Variants in LYST observed in about 807,000 individuals in gnomAD.
The protein encoded by LYST is lysosomal-trafficking regulator.
LYST carries 192 observed loss-of-function variants against 413.6 expected under a neutral mutation model. That is an observed-to-expected ratio of 0.46 (90% confidence interval 0.41 to 0.52). LYST has a LOEUF of 0.52. Among genes scored for constraint, LYST ranks in the 20% least tolerant of loss-of-function variants. The pLI is 0.00. For synonymous variants in LYST, 1,525 were observed against 1,567.3 expected, an observed-to-expected ratio of 0.97 and a Z score of 0.64; for missense variants, 3,815 against 4,499.9, an observed-to-expected ratio of 0.85 and a Z score of 4.35.
Position 235,737,908 on chromosome 1 carries a change from T to A in LYST, c.8359-3249A>T. The A allele has an allele frequency of 1.7e-6, 2 of 1,151,284 alleles. 1 individual carries two copies. The highest frequency in any genetic ancestry group is 7.9e-5 in the South Asian group (2 of 25,450). 71.3% of individuals were successfully genotyped at this position (1,151,284 alleles called of 1,614,324 possible). A position where few individuals can be genotyped will look rare whatever the true frequency, so the allele number is the denominator to read the frequency against. On this transcript the variant is annotated intron_variant, in intron 31 of 52. Coordinates refer to ENST00000389793, the MANE Select transcript of LYST (RefSeq NM_000081.4). Reference sequence around the variant, plus strand: ...AAGGTAGCGAAGGTGCTGGAGCCGCTGCCGACGAGTCTGGATCTCACTGCC... The same window carrying A: ...AAGGTAGCGAAGGTGCTGGAGCCGCAGCCGACGAGTCTGGATCTCACTGCC...
chr1:235,849,998 T>A (rs1006301770), intron 1 of LYST, among the ~76,000 whole-genome samples: 1 of 151,744 alleles, frequency 6.6e-6, no homozygotes, highest in African/African-American at 2.4e-5. Flanking sequence ...AATACCACTA[T>A]CATTCTTCAC....
chr1:235,751,012 A>G (rs1327156383), intron 28 of LYST, among the ~76,000 whole-genome samples, 198 bp downstream of exon 28: 1 of 152,172 alleles, frequency 6.6e-6, no homozygotes, highest in African/African-American at 2.4e-5. Flanking sequence ...TGCTCAGCAC[A>G]TGGTAGGCAG....
At chr1:235,677,256 T>A in intron 49 of LYST, 68 bp from the exon 50 acceptor site, 4 of 1,304,194 alleles carry the variant, frequency 3.1e-6, no homozygotes, top group Non-Finnish European at 3.3e-6. Context: ...ATTTTGTAAT[T>A]CTTCTTCTCA....
chr1:235,795,293 C>T (rs144648929), intron 10 of LYST, among the ~76,000 whole-genome samples: 122 of 152,224 alleles, frequency 8.0e-4, no homozygotes, highest in African/African-American at 2.7e-3. Flanking sequence ...TCTAAATAAA[C>T]GAAATGGTCA....
chr1:235,806,619 A>G lies in LYST; in HGVS notation c.2517T>C (p.Ile839=), dbSNP rs78172154. The G allele has an allele frequency of 2.1e-4, 338 of 1,614,084 alleles. 3 individuals carry two copies. The East Asian group carries it at 7.4e-3, about 36-fold the overall frequency. Residue 839 remains isoleucine, a synonymous_variant, in exon 6 of 53, where the codon ATT becomes ATC. Transcript: ENST00000389793. The part of the protein sequence containing the change: ...EQQKDASVPD[I]DGIDIEQKEL... Reference sequence around the variant, plus strand: ...CCTTCTGTTCAATGTCTATCCCATCAATATCTGGAACTGAGGCATCTTTCT... The same window carrying G: ...CCTTCTGTTCAATGTCTATCCCATCGATATCTGGAACTGAGGCATCTTTCT...
At chr1:235,729,223 C>A (rs1165677951) in intron 37 of LYST, among the ~76,000 whole-genome samples, 1 of 152,100 alleles carries the variant, frequency 6.6e-6, no homozygotes, top group Non-Finnish European at 1.5e-5. Flanking sequence ...TATGGACAAT[C>A]TTAAAATAGA....
At chr1:235,785,383 G>A (rs937239203) in intron 14 of LYST, among the ~76,000 whole-genome samples, 3 of 152,206 alleles carry the variant, frequency 2.0e-5, no homozygotes, top group Admixed American at 1.3e-4. Context: ...GGCAGGGAAT[G>A]TGTCTATCTT....
Position 235,715,295 on chromosome 1 carries a change from G to A in LYST, c.9690C>T (p.Pro3230=), listed in dbSNP as rs760574626. 3.7e-6 allele frequency: 6 copies of A among 1,613,512 alleles called. No individual in the cohort carries two copies. The African/African-American group carries it at 8.0e-5, about 22-fold the overall frequency. ...TGGAATAGTGGGAGCCATAGTGATA[G>A]GGCTGCACGGGAGGCATGGGGTCAT... ...REDDPMPPVQ[P]YHYGSHYSNS... is the part of the protein sequence containing the mutation. Residue 3230 remains proline (P), a synonymous_variant, in exon 42 of 53, where the codon CCC becomes CCT. Coordinates refer to ENST00000389793, the MANE Select transcript of LYST (RefSeq NM_000081.4).
intron 34 of LYST, among the ~76,000 whole-genome samples, chr1:235,731,491 T>C (rs1321433085): frequency 6.6e-6 from 1 of 152,020 alleles, no homozygotes; most frequent in Admixed American, 6.6e-5. Flanking sequence ...TAATACAACA[T>C]GCTGGATTTA....
At chr1:235,677,742 C>T in intron 48 of LYST, 123 bp from the exon 49 acceptor site, 1 of 701,196 alleles carries the variant, frequency 1.4e-6, no homozygotes, top group Non-Finnish European at 2.5e-6. Flanking sequence ...TTCTTCAATC[C>T]TATTCAGAGT....
At chr1:235,842,060 T>C (rs1328567428) in intron 1 of LYST, among the ~76,000 whole-genome samples, 1 of 152,112 alleles carries the variant, frequency 6.6e-6, no homozygotes, top group Admixed American at 6.6e-5. Context: ...AGGATTCAGC[T>C]GCTTGGGTCT....
At chr1:235,779,118 C>T (rs919185533) in intron 16 of LYST, among the ~76,000 whole-genome samples, 2 of 152,014 alleles carry the variant, frequency 1.3e-5, no homozygotes, top group Non-Finnish European at 1.5e-5. Context: ...CCACCCGCCT[C>T]GGCCTCCCAA....
rs1675802846 is a variant in LYST, at chr1:235,830,240, A to G, written c.178T>C (p.Ser60Pro). The change falls in exon 3 of 53, where the codon TCT becomes CCT. Residue 60 changes from serine to proline, a missense_variant. By Grantham distance (74) the Ser-to-Pro change is moderately conservative. This residue lies in a region of LYST where 1,648 missense variants were observed against 1,810.3 expected (regional missense o/e 0.91). Transcript: ENST00000389793. ...RGFLLLTKLN[S>P]IIDQALTCRE... ...AAAAATGTTACCTGATCAATTATAG[A>G]ATTTAGCTTGGTAAGTAATAGAAAT... is the stretch of plus-strand genomic sequence containing the variant. 1.9e-6 allele frequency: 3 copies of G among 1,612,748 alleles called. No homozygotes were observed. The highest frequency in any genetic ancestry group is 2.5e-6 in the Non-Finnish European group (3 of 1,178,764).
At chr1:235,757,250 TTAAAA>T in intron 24 of LYST, 26 bp downstream of exon 24, 1 of 1,483,734 alleles carries the variant, frequency 6.7e-7, no homozygotes, top group Non-Finnish European at 9.3e-7. Flanking sequence ...TTTTTCTGAA[TTAAAA>T]TAACATATCT....
rs9803890 is a variant in LYST at position 235,801,123 on chromosome 1, C to T, written c.3713-26G>A. ...CTGAAAAGAGAAAAGCGAAAGATTA[C>T]TTGTATTCCCTAAACACTAAATATT... On this transcript the variant is annotated intron_variant, in intron 8 of 52. Coordinates refer to ENST00000389793, the MANE Select transcript of LYST (RefSeq NM_000081.4). 10,649 of 1,325,518 alleles carry T rather than the reference C, an allele frequency of 8.0e-3. 614 individuals carry two copies. In the African/African-American group the frequency reaches 0.13, roughly 16 times the overall value. 82.1% of individuals were successfully genotyped at this position (1,325,518 alleles called of 1,614,324 possible).
At chr1:235,855,329 C>A (rs1679046034) in intron 1 of LYST, among the ~76,000 whole-genome samples, 2 of 152,112 alleles carry the variant, frequency 1.3e-5, no homozygotes, top group South Asian at 4.1e-4. Flanking sequence ...TATTCAAATA[C>A]CTTTAGGAAA....
chr1:235,755,361 C>T (rs1177825083), intron 25 of LYST, 117 bp downstream of exon 25: 3 of 983,694 alleles, frequency 3.0e-6, no homozygotes, highest in African/African-American at 3.8e-5. Context: ...TGCACTCCAG[C>T]CTGGGCAACA....
At chr1:235,763,964 T>C (rs760296070) in intron 21 of LYST, among the ~76,000 whole-genome samples, 2 of 152,300 alleles carry the variant, frequency 1.3e-5, no homozygotes, top group South Asian at 2.1e-4. Context: ...TGGCTTTCTA[T>C]GCCTCCTTAC....
At chr1:235,761,631 G>C (rs115493478) in intron 22 of LYST, among the ~76,000 whole-genome samples, 1,917 of 152,098 alleles carry the variant, frequency 0.013, 47 homozygotes, top group African/African-American at 0.044. Flanking sequence ...GCATTTTTCA[G>C]TTCAAGAATA....
Sources: allele counts gnomAD v4.1 joint callset (sites outside exome capture counted in the v4.1 genomes callset), GRCh38; gene constraint gnomAD v4.1.1; regional missense constraint gnomAD v4.1.1; transcripts MANE v1.5; gene names NCBI Gene and HGNC (gene_info 2026-07-23, HGNC 2026-07-21).